Variants in BRSK2 observed in about 807,000 individuals in gnomAD.
BRSK2 encodes the protein serine/threonine-protein kinase BRSK2.
A neutral mutation model predicts 83.3 loss-of-function variants in BRSK2; 19 were observed. The observed-to-expected ratio is 0.23, with a 90% CI of 0.16 to 0.33. The LOEUF (loss-of-function observed/expected upper bound fraction) is 0.33, where lower values mean the gene tolerates loss of function less well. Ranked by LOEUF, BRSK2 falls within the 10% of genes least tolerant of loss-of-function variation. The pLI, the probability that BRSK2 is intolerant of heterozygous loss-of-function variation, is 1.00. For missense variants in BRSK2, 798 were observed against 1,042.3 expected (o/e 0.77, Z 3.23); for synonymous variants, 519 against 435.4 (o/e 1.19, Z -2.39).
chr11:1,453,944 G>T (rs1268668571), intron 15 of BRSK2: 1 of 153,326 alleles, frequency 6.5e-6, no homozygotes, highest in Non-Finnish European at 1.5e-5. Context: ...GCGCTGGTGG[G>T]TGGGGTTCGG....
chr11:1,427,438 G>A (rs1367250231), intron 1 of BRSK2, among the ~76,000 whole-genome samples: 5 of 152,310 alleles, frequency 3.3e-5, no homozygotes, highest in South Asian at 2.1e-4. Flanking sequence ...GGGGGCACCC[G>A]TGTTAACGTG....
At chr11:1,429,487 C>T in intron 1 of BRSK2, among the ~76,000 whole-genome samples, 1 of 152,328 alleles carries the variant, frequency 6.6e-6, no homozygotes, top group East Asian at 1.9e-4. Flanking sequence ...CGTGCTGTCC[C>T]TGCCCAGGGC....
chr11:1,440,431 C>T (rs957175240), intron 3 of BRSK2, among the ~76,000 whole-genome samples: 5 of 152,072 alleles, frequency 3.3e-5, no homozygotes, highest in African/African-American at 4.8e-5. Context: ...GGCAGAGTCC[C>T]GAGGCTACCC....
intron 1 of BRSK2, among the ~76,000 whole-genome samples, chr11:1,393,973 C>A (rs866865145): frequency 1.9e-4 from 12 of 63,658 alleles, no homozygotes; most frequent in Non-Finnish European, 2.0e-4. Context: ...GAGATGGGTC[C>A]TGGAGATGGG....
At chr11:1,456,714 C>A (rs919270203) in intron 18 of BRSK2, 27 bp downstream of exon 18, 1 of 1,564,586 alleles carries the variant, frequency 6.4e-7, no homozygotes, top group East Asian at 2.3e-5. Context: ...TCCGGCCAAC[C>A]TGCGGCCTGC....
intron 18 of BRSK2, among the ~76,000 whole-genome samples, chr11:1,457,986 T>A (rs1846849583): frequency 6.6e-6 from 1 of 152,152 alleles, no homozygotes; most frequent in Admixed American, 6.5e-5. Context: ...CACGTGGCGC[T>A]TCCCTACAGC....
rs774527004 is a variant in BRSK2 at position 1,460,736 on chromosome 11, C to A, written c.*13C>A. Reference sequence around the variant, plus strand: ...CGAGCAGCCTTAGACACACTAGCCCCCCCCCCCAGCACAGCACTGACAGCG... The same window carrying A: ...CGAGCAGCCTTAGACACACTAGCCCACCCCCCCAGCACAGCACTGACAGCG... On this transcript the variant is annotated 3_prime_UTR_variant, in exon 20 of 20. Transcript: ENST00000528841. The A allele has an allele frequency of 9.0e-5, 127 of 1,406,032 alleles. No individual in the cohort carries two copies. In the African/African-American group the frequency reaches 1.2e-3, roughly 14 times the overall value. 87.1% of individuals were successfully genotyped at this position (1,406,032 alleles called of 1,614,324 possible).
At chr11:1,452,706 C>T (rs1297285979) in intron 15 of BRSK2, among the ~76,000 whole-genome samples, 1 of 152,142 alleles carries the variant, frequency 6.6e-6, no homozygotes, top group Non-Finnish European at 1.5e-5. Context: ...CCTGCGACAG[C>T]CGTTCCCGAG....
chr11:1,448,960 T>C (rs1662992480), intron 12 of BRSK2, among the ~76,000 whole-genome samples: 1 of 152,108 alleles, frequency 6.6e-6, no homozygotes, highest in South Asian at 2.1e-4. Flanking sequence ...CAGGCCGGGC[T>C]TTTACTCTTC....
In BRSK2 at chr11:1,443,476, C is replaced by T. The variant is rs1344349547; in HGVS notation, c.634-13C>T. ...GCCCCCCCACGCTGACCCCCACACC[C>T]GGCCGCCCGCAGGGGGCTCTGCCCT... On this transcript the variant is annotated splice_polypyrimidine_tract_variant and intron_variant, in intron 7 of 19. Coordinates refer to ENST00000528841, the MANE Select transcript of BRSK2 (RefSeq NM_001256627.2). 2.1e-5 allele frequency: 33 copies of T among 1,581,428 alleles called. No individual in the cohort carries two copies. Among genetic ancestry groups the T allele is most frequent in the African/African-American group, 5.4e-5 (4 of 74,240 alleles).
intron 1 of BRSK2, among the ~76,000 whole-genome samples, chr11:1,405,242 G>A (rs1015212557): frequency 2.0e-5 from 3 of 152,104 alleles, no homozygotes; most frequent in Admixed American, 2.0e-4. Flanking sequence ...GATCCTCTAC[G>A]TCTCCCCACT....
At chr11:1,436,276 C>A (rs1850292837) in intron 2 of BRSK2, 142 bp downstream of exon 2, 2 of 725,380 alleles carry the variant, frequency 2.8e-6, no homozygotes, top group South Asian at 1.9e-5. Context: ...GGCCGCCACA[C>A]CCCTGCTGGT....
At chr11:1,435,250 G>C (rs1850134886) in intron 1 of BRSK2, among the ~76,000 whole-genome samples, 1 of 111,586 alleles carries the variant, frequency 9.0e-6, no homozygotes, top group Admixed American at 9.1e-5. Context: ...AGGGGTGCCG[G>C]TGGGGGTCTC....
rs1439060978 is a variant in BRSK2, at chr11:1,412,841, C to T, written c.91+22466C>T. ...TGGCCGCACACAGCAACCCCGCGTC[C>T]CAGGCAACCCTGCGTCCCAGGCCCG... is the stretch of plus-strand genomic sequence containing the variant. On this transcript the variant is annotated intron_variant, in intron 1 of 19. Coordinates refer to ENST00000528841, the MANE Select transcript of BRSK2 (RefSeq NM_001256627.2). Among the ~76,000 whole-genome samples, 8 of 152,142 alleles carry T rather than the reference C, an allele frequency of 5.3e-5. No individual in the cohort carries two copies. The South Asian group carries it at 1.7e-3, about 32-fold the overall frequency.
In BRSK2 at chr11:1,401,569, C is replaced by T. The variant is rs146608050; in HGVS notation, c.91+11194C>T. On this transcript the variant is annotated intron_variant, in intron 1 of 19. Coordinates refer to ENST00000528841, the MANE Select transcript of BRSK2 (RefSeq NM_001256627.2). The stretch of plus-strand genomic sequence containing the variant: ...CCACCTCCTGCAGGCTGCACTGAGC[C>T]CCTTCGGGCCCATGCCAACCGCCGG... Among the ~76,000 whole-genome samples the T allele has an allele frequency of 4.1e-3, 622 of 152,348 alleles. 5 individuals carry two copies. The highest frequency in any genetic ancestry group is 0.014 in the African/African-American group (584 of 41,592).
Position 1,442,614 on chromosome 11 carries a change from G to C in BRSK2, c.530+8G>C. The C allele has an allele frequency of 6.2e-7, 1 of 1,601,424 alleles. No individual in the cohort carries two copies. The highest frequency in any genetic ancestry group is 8.5e-7 in the Non-Finnish European group (1 of 1,169,716). On this transcript the variant is annotated splice_region_variant and intron_variant, in intron 5 of 19. Transcript: ENST00000528841. ...GTTGGAGACCAGCTGTGGGTACGTG[G>C]CCCTCTGCCCTGGAGAGAGGCTGGG...
rs1198136814 is a variant in BRSK2 at position 1,394,238 on chromosome 11, ATGGAGATGGGTCC to A, written c.91+3900_91+3912del. On this transcript the variant is annotated intron_variant, in intron 1 of 19. Coordinates refer to ENST00000528841, the MANE Select transcript of BRSK2 (RefSeq NM_001256627.2). ...GGAGATGGGCCCCTGGAGATGGGCC[ATGGAGATGGGTCC>A]TGGAGATGGGTCCTGGAGATGGGTC... is the stretch of plus-strand genomic sequence containing the variant. 1.1e-3 allele frequency among the ~76,000 whole-genome samples: 96 copies of A among 89,772 alleles called. 1 individual carries two copies. Among genetic ancestry groups the A allele is most frequent in the African/African-American group, 2.5e-3 (51 of 20,456 alleles). The allele number at this position is 89,772 out of a possible 152,430, so 58.9% of individuals were successfully genotyped here.
rs1847468937 is a variant in BRSK2, at chr11:1,461,270, T to C, written c.*547T>C. Reference sequence around the variant, plus strand: ...GGGCCAGGACCCCTGGTGGGCAACGTAGCCACAGGAACAGGCCCCGTCCAC... The same window carrying C: ...GGGCCAGGACCCCTGGTGGGCAACGCAGCCACAGGAACAGGCCCCGTCCAC... On this transcript the variant is annotated 3_prime_UTR_variant, in exon 20 of 20. Coordinates refer to ENST00000528841, the MANE Select transcript of BRSK2 (RefSeq NM_001256627.2). 2 of 508,950 alleles carry C rather than the reference T, an allele frequency of 3.9e-6. No homozygotes were observed. The highest frequency in any genetic ancestry group is 2.3e-5 in the South Asian group (1 of 44,270). 31.5% of individuals were successfully genotyped at this position (508,950 alleles called of 1,614,324 possible). A position where few individuals can be genotyped will look rare whatever the true frequency, so the allele number is the denominator to read the frequency against.
chr11:1,434,861 G>C (rs552268951), intron 1 of BRSK2, among the ~76,000 whole-genome samples: 2 of 152,278 alleles, frequency 1.3e-5, no homozygotes, highest in South Asian at 4.1e-4. Flanking sequence ...AAGGGCCTGG[G>C]TTGTGGGCTC....
Sources: allele counts gnomAD v4.1 joint callset (sites outside exome capture counted in the v4.1 genomes callset), GRCh38; gene constraint gnomAD v4.1.1; transcripts MANE v1.5; gene names NCBI Gene and HGNC (gene_info 2026-07-23, HGNC 2026-07-21).